The following ROBO2 variants were observed in gnomAD, a reference collection of about 807,000 sequenced individuals.
ROBO2 encodes the protein roundabout guidance receptor 2.
A neutral mutation model predicts 160.8 loss-of-function variants in ROBO2; 53 were observed. The observed-to-expected ratio is 0.33, with a 90% CI of 0.26 to 0.41. ROBO2 has a LOEUF of 0.41. ROBO2 is among the 10% of genes least tolerant of loss of function. The probability of loss-of-function intolerance (pLI) is 1.00; values close to 1 mark genes in which losing one functional copy is unlikely to be tolerated. For missense variants in ROBO2, 1,577 were observed against 1,722.4 expected (o/e 0.92, Z 1.49); for synonymous variants, 664 against 611.7 (o/e 1.09, Z -1.26).
intron 2 of ROBO2, among the ~76,000 whole-genome samples, chr3:76,544,366 G>T (rs528025944): frequency 1.1e-4 from 16 of 152,088 alleles, no homozygotes; most frequent in African/African-American, 3.9e-4. Flanking sequence ...AAATATAGAT[G>T]TATTTTGAAA....
rs967596699 is a variant in ROBO2, at chr3:76,750,217, G to A, written c.110-347797G>A. On this transcript the variant is annotated intron_variant, in intron 2 of 26. Coordinates refer to the ROBO2 transcript ENST00000487694. The stretch of plus-strand genomic sequence containing the variant: ...AAACCACATGATTATCTCAGTAGAT[G>A]CAGAAAAGGCCTTTGACAAAATTCA... Among the ~76,000 whole-genome samples the A allele has an allele frequency of 3.9e-5, 6 of 152,218 alleles. No homozygotes were observed. The East Asian group carries it at 9.7e-4, about 25-fold the overall frequency.
At chr3:76,762,464 C>CTTTTTTTTTTTT (rs2061361594) in intron 2 of ROBO2, among the ~76,000 whole-genome samples, 1 of 132,374 alleles carries the variant, frequency 7.6e-6, no homozygotes. Context: ...TTTTTTTTAA[C>CTTTTTTTTTTTT]ATGAGTGAAC....
intron 2 of ROBO2, among the ~76,000 whole-genome samples, chr3:76,673,366 G>T (rs192537476): frequency 1.3e-5 from 2 of 152,228 alleles, no homozygotes; most frequent in Admixed American, 6.5e-5. Flanking sequence ...TTCTGGCCAG[G>T]CAGTGGTGGG....
intron 2 of ROBO2, among the ~76,000 whole-genome samples, chr3:76,755,600 T>A (rs1432413454): frequency 6.6e-6 from 1 of 151,886 alleles, no homozygotes; most frequent in African/African-American, 2.4e-5. Context: ...AGCCCAAAGA[T>A]TTTTGTTCTC....
intron 2 of ROBO2, among the ~76,000 whole-genome samples, chr3:76,183,296 C>T (rs1394541824): frequency 6.6e-6 from 1 of 152,080 alleles, no homozygotes; most frequent in Non-Finnish European, 1.5e-5. Context: ...ATCACCTGTG[C>T]TCAAAATCTT....
intron 25 of ROBO2, among the ~76,000 whole-genome samples, chr3:77,645,323 A>G (rs1026158158): frequency 4.6e-5 from 7 of 152,164 alleles, no homozygotes; most frequent in African/African-American, 1.7e-4. Flanking sequence ...AAATTTGGGT[A>G]GTCACCCTTG....
At chr3:77,583,515 G>T (rs151276763) in intron 16 of ROBO2, among the ~76,000 whole-genome samples, 3 of 151,902 alleles carry the variant, frequency 2.0e-5, no homozygotes, top group African/African-American at 7.3e-5. Context: ...ACTTCCATTT[G>T]CTTTCTTTTA....
intron 2 of ROBO2, among the ~76,000 whole-genome samples, chr3:76,861,618 A>G (rs2070787089): frequency 6.6e-6 from 1 of 152,206 alleles, no homozygotes; most frequent in Non-Finnish European, 1.5e-5. Context: ...ATATTTCTCA[A>G]ATCTTCATTT....
intron 2 of ROBO2, chr3:76,435,125 T>TA: frequency 1.0e-6 from 1 of 973,340 alleles, no homozygotes; most frequent in South Asian, 1.3e-5. Context: ...TAGATAACTG[T>TA]AAGAAGCTTG....
chr3:76,261,559 C>T (rs1283317622), intron 2 of ROBO2, among the ~76,000 whole-genome samples: 2 of 151,814 alleles, frequency 1.3e-5, no homozygotes, highest in Admixed American at 1.3e-4. Context: ...CCCAAGTTGA[C>T]TCTAAGGGAT....
chr3:76,768,275 C>T (rs534590689), intron 2 of ROBO2, among the ~76,000 whole-genome samples: 10 of 151,370 alleles, frequency 6.6e-5, no homozygotes, highest in Non-Finnish European at 8.9e-5. Context: ...CAGACCTTTA[C>T]GAGGTCAGTT....
At chr3:77,276,228 A>C (rs952123517) in intron 2 of ROBO2, among the ~76,000 whole-genome samples, 2 of 150,890 alleles carry the variant, frequency 1.3e-5, no homozygotes, top group Non-Finnish European at 2.9e-5. Flanking sequence ...AAAAAAAAAA[A>C]ACAAAAGAAA....
intron 2 of ROBO2, among the ~76,000 whole-genome samples, chr3:76,963,147 C>T (rs2079795112): frequency 1.1e-5 from 1 of 94,650 alleles, no homozygotes; most frequent in African/African-American, 4.3e-5. Context: ...GTTCTGGTCC[C>T]TTTAATAAAG....
intron 2 of ROBO2, among the ~76,000 whole-genome samples, chr3:76,210,193 GA>G (rs1216448397): frequency 6.6e-6 from 1 of 152,058 alleles, no homozygotes; most frequent in Non-Finnish European, 1.5e-5. Context: ...CAATTTTTAA[GA>G]AACCTAATGT....
chr3:76,706,485 A>G (rs2093166417), intron 2 of ROBO2, among the ~76,000 whole-genome samples: 1 of 151,852 alleles, frequency 6.6e-6, no homozygotes, highest in South Asian at 2.1e-4. Context: ...TCCCTCCCCC[A>G]GCCTCCTAAC....
intron 5 of ROBO2, among the ~76,000 whole-genome samples, chr3:77,496,439 C>T (rs2086791159): frequency 6.6e-6 from 1 of 152,082 alleles, no homozygotes; most frequent in Non-Finnish European, 1.5e-5. Flanking sequence ...GAGAAAGACA[C>T]CTCTTTCCTT....
intron 2 of ROBO2, among the ~76,000 whole-genome samples, chr3:76,958,006 T>C (rs2079400399): frequency 6.6e-6 from 1 of 152,226 alleles, no homozygotes; most frequent in East Asian, 1.9e-4. Context: ...CCTCGCTTTC[T>C]ACTTTCTGTC....
chr3:76,148,089 A>G (rs1278192307), intron 2 of ROBO2, among the ~76,000 whole-genome samples: 1 of 151,982 alleles, frequency 6.6e-6, no homozygotes, highest in Non-Finnish European at 1.5e-5. Context: ...AGCTCTGTTT[A>G]CTTTCATTTC....
intron 2 of ROBO2, among the ~76,000 whole-genome samples, chr3:77,366,893 A>ACCGC (rs1553924924): frequency 7.1e-6 from 1 of 141,330 alleles, no homozygotes; most frequent in Non-Finnish European, 1.6e-5. Context: ...CTCTCACAGC[A>ACCGC]CCCCCCCGAC....
Sources: allele counts gnomAD v4.1 joint callset (sites outside exome capture counted in the v4.1 genomes callset), GRCh38; gene constraint gnomAD v4.1.1; transcripts MANE v1.5; gene names NCBI Gene and HGNC (gene_info 2026-07-23, HGNC 2026-07-21).